The following LRP1B variants were observed in gnomAD, a reference collection of about 807,000 sequenced individuals.
LRP1B encodes LDL receptor related protein 1B.
LRP1B carries 217 observed loss-of-function variants against 556.6 expected under a neutral mutation model. That is an observed-to-expected ratio of 0.39 (90% confidence interval 0.35 to 0.44). The LOEUF is 0.44. Among genes scored for constraint, LRP1B ranks in the 20% least tolerant of loss-of-function variants. LRP1B has a pLI of 1.00. For missense variants in LRP1B, 5,053 were observed against 5,620.8 expected, an observed-to-expected ratio of 0.90 and a Z score of 3.23; for synonymous variants, 2,047 against 1,865.8, an observed-to-expected ratio of 1.10 and a Z score of -2.50.
At chr2:141,600,061 C>T (rs1687670823) in intron 2 of LRP1B, among the ~76,000 whole-genome samples, 2 of 152,180 alleles carry the variant, frequency 1.3e-5, no homozygotes, top group Admixed American at 6.6e-5. Flanking sequence ...TAATTTCCTA[C>T]ACCATTCAGT....
At chr2:141,662,411 T>A (rs1690255966) in intron 2 of LRP1B, among the ~76,000 whole-genome samples, 1 of 152,008 alleles carries the variant, frequency 6.6e-6, no homozygotes, top group African/African-American at 2.4e-5. Context: ...TCAAGACCCA[T>A]CAAAGTGCTG....
At chr2:140,475,589 T>C (rs1687941845) in intron 59 of LRP1B, among the ~76,000 whole-genome samples, 1 of 151,176 alleles carries the variant, frequency 6.6e-6, no homozygotes, top group Admixed American at 6.6e-5. Flanking sequence ...AACAATATTA[T>C]ATAATAATAT....
intron 7 of LRP1B, among the ~76,000 whole-genome samples, chr2:141,158,109 C>A (rs887484900): frequency 1.3e-5 from 2 of 152,056 alleles, no homozygotes; most frequent in Non-Finnish European, 1.5e-5. Context: ...GGAAGGATTG[C>A]AGTTTGAATA....
chr2:141,760,723 T>C (rs956948446), intron 2 of LRP1B, among the ~76,000 whole-genome samples: 4 of 152,176 alleles, frequency 2.6e-5, no homozygotes, highest in African/African-American at 9.7e-5. Context: ...CGTGATGGAT[T>C]TATATTGGAA....
intron 27 of LRP1B, among the ~76,000 whole-genome samples, chr2:140,859,768 G>A (rs1457340088): frequency 6.6e-6 from 1 of 152,028 alleles, no homozygotes; most frequent in Non-Finnish European, 1.5e-5. Flanking sequence ...GCCGAGGTGG[G>A]CGGATCATGA....
chr2:141,689,333 T>C (rs1691428582), intron 2 of LRP1B, among the ~76,000 whole-genome samples: 1 of 151,756 alleles, frequency 6.6e-6, no homozygotes, highest in South Asian at 2.1e-4. Context: ...CTAATTCAGG[T>C]CACTCTGCCT....
chr2:140,949,989 T>C (rs6429852), intron 20 of LRP1B, among the ~76,000 whole-genome samples: 39,262 of 144,934 alleles, frequency 0.27, 6,638 homozygotes, highest in African/African-American at 0.48. Flanking sequence ...AGTAAAGCAT[T>C]GAGTAAATGT....
chr2:140,852,537 A>G (rs1692491145), intron 27 of LRP1B, among the ~76,000 whole-genome samples: 1 of 152,168 alleles, frequency 6.6e-6, no homozygotes, highest in African/African-American at 2.4e-5. Context: ...TCCCTAGGAA[A>G]CTACTGGTAC....
intron 53 of LRP1B, among the ~76,000 whole-genome samples, chr2:140,504,115 C>A (rs1427094320): frequency 6.6e-6 from 1 of 151,978 alleles, no homozygotes; most frequent in African/African-American, 2.4e-5. Flanking sequence ...CTCTTTATTG[C>A]CCAATCTGGC....
intron 86 of LRP1B, among the ~76,000 whole-genome samples, chr2:140,261,001 T>C (rs1314088808): frequency 1.3e-5 from 2 of 151,154 alleles, no homozygotes. Context: ...GGTCAGTAAA[T>C]ATCTGTTGAT....
chr2:142,065,548 CTTTAT>C (rs1485501123), intron 1 of LRP1B, among the ~76,000 whole-genome samples: 4 of 151,284 alleles, frequency 2.6e-5, no homozygotes, highest in Admixed American at 1.3e-4. Context: ...CAGGAAATTT[CTTTAT>C]TTTAAGATCA....
intron 2 of LRP1B, among the ~76,000 whole-genome samples, chr2:141,720,435 A>G (rs1203073407): frequency 6.6e-6 from 1 of 152,112 alleles, no homozygotes; most frequent in Non-Finnish European, 1.5e-5. Context: ...TAAGTAGTTT[A>G]TTACTAAGAA....
chr2:140,773,553 G>C (rs55695452), intron 33 of LRP1B, among the ~76,000 whole-genome samples: 1 of 151,518 alleles, frequency 6.6e-6, no homozygotes, highest in African/African-American at 2.4e-5. Context: ...GGACCTTCTG[G>C]GTCTGGGGCT....
At chr2:141,036,756 G>C (rs1698543853) in intron 11 of LRP1B, among the ~76,000 whole-genome samples, 1 of 152,004 alleles carries the variant, frequency 6.6e-6, no homozygotes, top group South Asian at 2.1e-4. Context: ...ACTGGTCCCA[G>C]ACAAAGGTAC....
chr2:141,910,024 G>A (rs1242282642), intron 1 of LRP1B, among the ~76,000 whole-genome samples: 1 of 151,532 alleles, frequency 6.6e-6, no homozygotes, highest in African/African-American at 2.4e-5. Flanking sequence ...AAAGGAAGGT[G>A]CTATTTCATA....
intron 27 of LRP1B, among the ~76,000 whole-genome samples, chr2:140,856,530 C>CT (rs1236484217): frequency 2.0e-5 from 3 of 152,132 alleles, no homozygotes; most frequent in South Asian, 2.1e-4. Context: ...GATATTTGGA[C>CT]TTTTGCAGGC....
intron 11 of LRP1B, among the ~76,000 whole-genome samples, chr2:141,047,899 G>C (rs1698923813): frequency 1.3e-5 from 2 of 152,056 alleles, no homozygotes; most frequent in African/African-American, 4.8e-5. Context: ...TGCCGAAGGA[G>C]TTATCTGAGT....
At chr2:141,155,767 G>A (rs1702050835) in intron 7 of LRP1B, among the ~76,000 whole-genome samples, 1 of 151,942 alleles carries the variant, frequency 6.6e-6, no homozygotes, top group South Asian at 2.1e-4. Flanking sequence ...ATTTTACTAA[G>A]TTAACATTAT....
At chr2:140,766,822 A>AATATATATATATT (rs1205192418) in intron 35 of LRP1B, among the ~76,000 whole-genome samples, 1 of 105,622 alleles carries the variant, frequency 9.5e-6, no homozygotes, top group African/African-American at 4.4e-5. Flanking sequence ...ATCTTTGTAA[A>AATATATATATATT]ATATATATAT....
Sources: gnomAD v4.1 joint callset for allele counts (sites outside exome capture counted in the v4.1 genomes callset) on GRCh38, gnomAD v4.1.1 for gene constraint, MANE v1.5 for transcripts, NCBI Gene and HGNC (gene_info 2026-07-23, HGNC 2026-07-21) for gene names.